The following ADK variants were observed in gnomAD, a reference collection of about 807,000 sequenced individuals.
ADK encodes adenosine kinase, also known as N6,N6-dimethyladenosine kinase.
Under a neutral mutation model 44.7 loss-of-function variants are expected in ADK, and 24 were observed. The ratio of observed to expected loss-of-function variants is 0.54; its 90% CI spans 0.39 to 0.76. The LOEUF (loss-of-function observed/expected upper bound fraction) is 0.76, where lower values mean the gene tolerates loss of function less well. Ranked by LOEUF, ADK falls within the 30% of genes least tolerant of loss-of-function variation. ADK has a pLI of 0.00. For missense variants in ADK, 321 were observed against 425.1 expected (o/e 0.76, Z 2.15); for synonymous variants, 128 against 142.6 (o/e 0.90, Z 0.73).
intron 4 of ADK, among the ~76,000 whole-genome samples, chr10:74,390,990 T>C (rs1843309358): frequency 6.6e-6 from 1 of 152,178 alleles, no homozygotes; most frequent in African/African-American, 2.4e-5. Context: ...TGTTTGTGTT[T>C]TCCTTATCCT....
chr10:74,631,436 T>C (rs1853419869), intron 9 of ADK, among the ~76,000 whole-genome samples: 2 of 151,182 alleles, frequency 1.3e-5, no homozygotes, highest in South Asian at 2.1e-4. Context: ...TTTTTTTTTT[T>C]AGTAGAGATG....
At chr10:74,342,351 G>A (rs1841608119) in intron 4 of ADK, among the ~76,000 whole-genome samples, 1 of 152,132 alleles carries the variant, frequency 6.6e-6, no homozygotes, top group Non-Finnish European at 1.5e-5. Context: ...ATTTTACACT[G>A]TAAAGAAAAC....
At chr10:74,183,227 C>T (rs1000464326) in intron 1 of ADK, among the ~76,000 whole-genome samples, 5 of 152,120 alleles carry the variant, frequency 3.3e-5, no homozygotes, top group African/African-American at 1.2e-4. Context: ...GCTGGGATTA[C>T]AGGCATGAGC....
chr10:74,540,550 C>G (rs889297693), intron 7 of ADK, among the ~76,000 whole-genome samples: 3 of 151,920 alleles, frequency 2.0e-5, no homozygotes, highest in Non-Finnish European at 4.4e-5. Flanking sequence ...AACTCCACCT[C>G]CCAGGTTCAA....
chr10:74,408,655 T>TAA (rs967659806), intron 6 of ADK, among the ~76,000 whole-genome samples: 2 of 152,188 alleles, frequency 1.3e-5, no homozygotes, highest in Non-Finnish European at 2.9e-5. Context: ...GCCTTACTGA[T>TAA]AACGTAAATA....
intron 10 of ADK, among the ~76,000 whole-genome samples, chr10:74,673,683 A>T (rs1855271693): frequency 6.6e-6 from 1 of 152,174 alleles, no homozygotes; most frequent in African/African-American, 2.4e-5. Context: ...CATTGTCACC[A>T]ATGTGACAGC....
chr10:74,694,683 T>C (rs1422894157), intron 10 of ADK, among the ~76,000 whole-genome samples: 1 of 152,016 alleles, frequency 6.6e-6, no homozygotes, highest in Non-Finnish European at 1.5e-5. Flanking sequence ...GGTCTTGCTG[T>C]GTTGCCAGGG....
At chr10:74,569,183 A>G (rs1850827832) in intron 7 of ADK, among the ~76,000 whole-genome samples, 1 of 152,092 alleles carries the variant, frequency 6.6e-6, no homozygotes, top group Admixed American at 6.5e-5. Context: ...TCATTGTTGG[A>G]CATTTGGGTT....
chr10:74,249,657 T>C (rs1308892235), intron 3 of ADK, among the ~76,000 whole-genome samples: 2 of 152,170 alleles, frequency 1.3e-5, no homozygotes, highest in African/African-American at 4.8e-5. Context: ...TGATAGATTA[T>C]CACCTTCTTC....
intron 2 of ADK, among the ~76,000 whole-genome samples, chr10:74,201,300 G>A (rs532980161): frequency 2.6e-5 from 4 of 152,220 alleles, no homozygotes; most frequent in East Asian, 1.9e-4. Flanking sequence ...TGCTGTTTCC[G>A]CTTTATTAGT....
chr10:74,356,262 C>T (rs1417179342), intron 4 of ADK, among the ~76,000 whole-genome samples: 3 of 151,710 alleles, frequency 2.0e-5, no homozygotes, highest in African/African-American at 7.3e-5. Context: ...TCATGATCCA[C>T]CCGCCTCGGC....
intron 4 of ADK, among the ~76,000 whole-genome samples, chr10:74,383,770 TG>T (rs34287044): frequency 0.64 from 97,036 of 151,902 alleles, 32,425 homozygotes; most frequent in Middle Eastern, 0.79. Context: ...AAGACCTGTT[TG>T]TTTAGATTCA....
chr10:74,386,639 C>G (rs1592136531), intron 4 of ADK, among the ~76,000 whole-genome samples: 1 of 152,282 alleles, frequency 6.6e-6, no homozygotes, highest in Non-Finnish European at 1.5e-5. Flanking sequence ...GTGTTGCTTT[C>G]TACCCTCAGG....
chr10:74,506,034 C>G (rs1564760952), intron 6 of ADK: 1 of 152,208 alleles, frequency 6.6e-6, no homozygotes, highest in Non-Finnish European at 1.5e-5. Flanking sequence ...GTCAAGCCAT[C>G]CTTTGCTGAC....
intron 9 of ADK, among the ~76,000 whole-genome samples, chr10:74,618,004 T>C (rs1852841158): frequency 6.6e-6 from 1 of 152,230 alleles, no homozygotes; most frequent in Admixed American, 6.5e-5. Context: ...TAATCTCTAA[T>C]GATGCATCTT....
chr10:74,350,070 G>A (rs907256721), intron 4 of ADK, among the ~76,000 whole-genome samples: 1 of 151,862 alleles, frequency 6.6e-6, no homozygotes, highest in Non-Finnish European at 1.5e-5. Flanking sequence ...TAATAGACAT[G>A]GGGTTGCTAC....
Position 74,331,714 on chromosome 10 carries a change from G to A in ADK, c.273+16969G>A, listed in dbSNP as rs545423251. On this transcript the variant is annotated intron_variant, in intron 4 of 10. Coordinates refer to ENST00000539909, the MANE Select transcript of ADK (RefSeq NM_006721.4). ...TTGGCAAGGTTGGTCTCAAACTCCTGACTTCAGGTGATCCACCTGCCTTGG... is the reference window on the plus strand; with the variant it reads ...TTGGCAAGGTTGGTCTCAAACTCCTAACTTCAGGTGATCCACCTGCCTTGG... Among the ~76,000 whole-genome samples, 14 of 152,320 alleles carry A rather than the reference G, an allele frequency of 9.2e-5. No individual in the cohort carries two copies. In the East Asian group the frequency reaches 2.7e-3, roughly 29 times the overall value.
intron 3 of ADK, among the ~76,000 whole-genome samples, chr10:74,267,790 G>GTGTGTGTCTGTCTGTC (rs35081179): frequency 6.9e-6 from 1 of 145,598 alleles, no homozygotes; most frequent in African/African-American, 2.7e-5. Context: ...GTGTGTGTGT[G>GTGTGTGTCTGTCTGTC]TGTCTGTCTG....
intron 7 of ADK, among the ~76,000 whole-genome samples, chr10:74,556,750 A>G (rs1850262379): frequency 6.6e-6 from 1 of 152,194 alleles, no homozygotes; most frequent in Non-Finnish European, 1.5e-5. Flanking sequence ...GAGGCATGCT[A>G]TTAGTTCCTT....
Sources: gnomAD v4.1 joint callset for allele counts (sites outside exome capture counted in the v4.1 genomes callset) on GRCh38, gnomAD v4.1.1 for gene constraint, MANE v1.5 for transcripts, NCBI Gene and HGNC (gene_info 2026-07-23, HGNC 2026-07-21) for gene names.